The following GASK1A variants were observed in gnomAD, a reference collection of about 807,000 sequenced individuals.
GASK1A encodes golgi associated kinase 1A, also known as Golgi-associated kinase 1A.
In GASK1A, 40 loss-of-function variants were observed where a neutral mutation model predicts 41.2. That is an observed-to-expected ratio of 0.97 (90% CI 0.75 to 1.27). The LOEUF is 1.27. Ranked by LOEUF, GASK1A falls within the 50% of genes most tolerant of loss-of-function variation. GASK1A has a pLI of 0.00. For synonymous variants in GASK1A, 316 were observed against 307.1 expected (o/e 1.03, Z -0.30); for missense variants, 678 against 745.1 (o/e 0.91, Z 1.05).
At position 43,056,719 on chromosome 3, in the gene GASK1A, G is replaced by T; in HGVS notation, c.*333G>T. ...TGTGTGTGTAGAGGTGTGTAGGTGT[G>T]GGTGGCATGTGTGCCCGCCTGCATG... On this transcript the variant is annotated 3_prime_UTR_variant, in exon 5 of 5. Coordinates refer to ENST00000430121, the MANE Select transcript of GASK1A (RefSeq NM_001129908.3). 4.8e-6 allele frequency: 1 copy of T among 210,020 alleles called. No individual in the cohort carries two copies. The highest frequency in any genetic ancestry group is 9.6e-6 in the Non-Finnish European group (1 of 103,964). 13.0% of individuals were successfully genotyped at this position (210,020 alleles called of 1,614,324 possible).
chr3:42,990,333 G>C (rs2089333490), intron 1 of GASK1A, among the ~76,000 whole-genome samples: 1 of 147,784 alleles, frequency 6.8e-6, no homozygotes. Flanking sequence ...CTGGGTGACA[G>C]AGTGAGACCC....
intron 1 of GASK1A, among the ~76,000 whole-genome samples, chr3:42,990,162 T>G (rs1362985452): frequency 6.6e-6 from 1 of 151,854 alleles, no homozygotes; most frequent in African/African-American, 2.4e-5. Flanking sequence ...TTGTCTATGT[T>G]GGGCAACATA....
intron 4 of GASK1A, chr3:43,055,842 C>T (rs1384755110): frequency 8.5e-6 from 4 of 469,670 alleles, no homozygotes; most frequent in Middle Eastern, 6.0e-4. Flanking sequence ...CTACCCCTCC[C>T]AGCTCACTCT....
intron 2 of GASK1A, among the ~76,000 whole-genome samples, chr3:43,036,791 G>A (rs761446962): frequency 3.9e-5 from 6 of 152,140 alleles, no homozygotes; most frequent in Non-Finnish European, 5.9e-5. Flanking sequence ...TCAGCCCTCC[G>A]ACTGCAAGCG....
chr3:43,047,236 G>C (rs2089668704), intron 2 of GASK1A, among the ~76,000 whole-genome samples: 2 of 152,198 alleles, frequency 1.3e-5, no homozygotes, highest in Admixed American at 6.5e-5. Flanking sequence ...AGTCAGGAGG[G>C]GGTCTCTATC....
intron 1 of GASK1A, among the ~76,000 whole-genome samples, chr3:42,991,378 A>G (rs1213399770): frequency 6.6e-6 from 1 of 152,126 alleles, no homozygotes; most frequent in Non-Finnish European, 1.5e-5. Flanking sequence ...ACACACACAC[A>G]CATCTACCCA....
At chr3:42,994,355 G>A (rs921596008) in intron 1 of GASK1A, among the ~76,000 whole-genome samples, 2 of 152,090 alleles carry the variant, frequency 1.3e-5, no homozygotes, top group Admixed American at 6.5e-5. Flanking sequence ...GCAGGAGCCG[G>A]GCCTAGGGGG....
rs547202535 is a variant in GASK1A, at chr3:43,056,486, G to A, written c.*100G>A. On this transcript the variant is annotated 3_prime_UTR_variant, in exon 5 of 5. Transcript: ENST00000430121. ...AAATGGGAAAAGCCAGAAGCCAGAGGGGCACAAGGATGTCACGGGATATTT... is the reference window on the plus strand; with the variant it reads ...AAATGGGAAAAGCCAGAAGCCAGAGAGGCACAAGGATGTCACGGGATATTT... 1 of 1,082,910 alleles carries A rather than the reference G, an allele frequency of 9.2e-7. No homozygotes were observed. The highest frequency in any genetic ancestry group is 2.6e-5 in the East Asian group (1 of 38,042). The allele number at this position is 1,082,910 out of a possible 1,614,324, so 67.1% of individuals were successfully genotyped here.
chr3:43,026,049 C>T (rs574942297), intron 1 of GASK1A, among the ~76,000 whole-genome samples: 1 of 152,244 alleles, frequency 6.6e-6, no homozygotes, highest in South Asian at 2.1e-4. Flanking sequence ...TCAGAAAGCA[C>T]CAATGAAATA....
rs559387750 is a variant in GASK1A, at chr3:42,983,703, A to T, written c.3+4058A>T. ...AACTGGTATTGGAACCTTGAAATGC[A>T]GCCCATGGAGCCTGTGGGAAATTTG... is the stretch of plus-strand genomic sequence containing the variant. On this transcript the variant is annotated intron_variant, in intron 1 of 4. Transcript: ENST00000430121. Among the ~76,000 whole-genome samples, 3 of 152,330 alleles carry T rather than the reference A, an allele frequency of 2.0e-5. No individual in the cohort carries two copies. In the East Asian group the frequency reaches 5.8e-4, roughly 29 times the overall value.
chr3:43,041,335 C>CAA (rs1263819526), intron 2 of GASK1A, among the ~76,000 whole-genome samples: 1 of 151,986 alleles, frequency 6.6e-6, no homozygotes, highest in Admixed American at 6.5e-5. Context: ...GTTTACAGTC[C>CAA]CACCAACAGT....
chr3:42,994,384 G>A (rs1424312793), intron 1 of GASK1A, among the ~76,000 whole-genome samples: 1 of 152,078 alleles, frequency 6.6e-6, no homozygotes, highest in Non-Finnish European at 1.5e-5. Context: ...GGCCAATGCT[G>A]GGGAGGAAGC....
rs140184489 is a variant in GASK1A, at chr3:43,032,812, G to A, written c.549G>A (p.Pro183=). The A allele has an allele frequency of 6.3e-4, 983 of 1,549,598 alleles. 7 individuals are homozygous for A. In the African/African-American group the frequency reaches 0.01, roughly 16 times the overall value. The change falls in exon 2 of 5, where the codon CCG becomes CCA. Residue 183 remains proline (P), a synonymous_variant. Coordinates refer to ENST00000430121, the MANE Select transcript of GASK1A (RefSeq NM_001129908.3). ...CAGGGAGTGACATGGCAGCTTTACC[G>A]GCTTGGAGAGCTACTTCTGGGCTGA... ...PLPGSDMAAL[P]AWRATSGLTL...
At position 43,032,486 on chromosome 3, in the gene GASK1A, A is replaced by T. The variant is rs752749775; in HGVS notation, c.223A>T (p.Met75Leu). The change falls in exon 2 of 5, where the codon ATG becomes TTG. Residue 75 changes from methionine (M) to leucine (L), a missense_variant. Transcript: ENST00000430121. Reference protein sequence around the residue: ...SSSRRQRARNMGFWRSRALPR... With the variant: ...SSSRRQRARNLGFWRSRALPR... ...CAGCCGGAGGCAGCGGGCAAGAAAC[A>T]TGGGCTTCTGGAGAAGCCGTGCTTT... 19 of 1,550,760 alleles carry T rather than the reference A, an allele frequency of 1.2e-5. No individual in the cohort carries two copies. The East Asian group carries it at 4.2e-4, about 34-fold the overall frequency.
At chr3:43,042,840 G>T (rs563964474) in intron 2 of GASK1A, among the ~76,000 whole-genome samples, 1 of 152,310 alleles carries the variant, frequency 6.6e-6, no homozygotes, top group Non-Finnish European at 1.5e-5. Context: ...TTCTGGCCCT[G>T]GGCTTGGGGC....
At position 42,984,296 on chromosome 3, in the gene GASK1A, A is replaced by ATC. The variant is rs10628402; in HGVS notation, c.3+4667_3+4668dup. ...CTTCTTTATGTGGATTTCACTTCCTATCTCTCTCTCTCTCTCTTTCTCTCT... is the reference window on the plus strand; with the variant it reads ...CTTCTTTATGTGGATTTCACTTCCTATCTCTCTCTCTCTCTCTCTTTCTCTCT... On this transcript the variant is annotated intron_variant, in intron 1 of 4. Transcript: ENST00000430121. The surrounding 1 kb of genome is among the most constrained non-coding windows in gnomAD (Gnocchi z 4.2). Among the ~76,000 whole-genome samples, 55 of 148,946 alleles carry ATC rather than the reference A, an allele frequency of 3.7e-4. No homozygotes were observed. Among genetic ancestry groups the ATC allele is most frequent in the African/African-American group, 4.9e-4 (20 of 40,712 alleles).
intron 1 of GASK1A, among the ~76,000 whole-genome samples, chr3:43,022,304 C>G (rs957675727): frequency 2.0e-5 from 3 of 152,162 alleles, no homozygotes; most frequent in Non-Finnish European, 4.4e-5. Context: ...CCGTTTTGAA[C>G]TTTTCTCTCT....
Position 43,032,880 on chromosome 3 carries a change from C to A in GASK1A, c.617C>A (p.Ala206Asp). ...HTAEGRDLLG[A>D]ENRALTGGQQ... ...GCAGAAGGCAGGGATCTGCTGGGAG[C>A]TGAGAACAGAGCCTTGACTGGTGGG... is the stretch of plus-strand genomic sequence containing the variant. The change falls in exon 2 of 5, where the codon GCT becomes GAT. Residue 206 changes from alanine to aspartate, a missense_variant. By Grantham distance (126) the Ala-to-Asp change is moderately radical. Coordinates refer to ENST00000430121, the MANE Select transcript of GASK1A (RefSeq NM_001129908.3). The A allele has an allele frequency of 6.4e-7, 1 of 1,550,540 alleles. No homozygotes were observed.
At chr3:43,003,458 G>A (rs1419599207) in intron 1 of GASK1A, among the ~76,000 whole-genome samples, 1 of 147,602 alleles carries the variant, frequency 6.8e-6, no homozygotes, top group Non-Finnish European at 1.5e-5. Context: ...TCGCACCACT[G>A]CACTCCAGCC....
Sources: gnomAD v4.1 joint callset for allele counts (sites outside exome capture counted in the v4.1 genomes callset) on GRCh38, gnomAD v4.1.1 for gene constraint, Gnocchi (gnomAD v3.1) non-coding constraint, MANE v1.5 for transcripts, NCBI Gene and HGNC (gene_info 2026-07-23, HGNC 2026-07-21) for gene names.